The following HNF4G variants were observed in gnomAD, a reference collection of about 807,000 sequenced individuals.
HNF4G encodes the protein hepatocyte nuclear factor 4-gamma.
Under a neutral mutation model 50.9 loss-of-function variants are expected in HNF4G, and 21 were observed. The ratio of observed to expected loss-of-function variants is 0.41; its 90% CI spans 0.29 to 0.59. The LOEUF (loss-of-function observed/expected upper bound fraction) is 0.59. Ranked by LOEUF, HNF4G falls within the 20% of genes least tolerant of loss-of-function variation. The pLI, the probability that HNF4G is intolerant of heterozygous loss-of-function variation, is 0.26. For missense variants in HNF4G, 527 were observed against 559.4 expected, an observed-to-expected ratio of 0.94 and a Z score of 0.58; for synonymous variants, 198 against 185.6, an observed-to-expected ratio of 1.07 and a Z score of -0.54.
At chr8:75,548,418 A>G (rs73331843) in intron 3 of HNF4G, among the ~76,000 whole-genome samples, 1,703 of 152,312 alleles carry the variant, frequency 0.011, 41 homozygotes, top group African/African-American at 0.039. Flanking sequence ...GCAATTTTCC[A>G]AACACTGTTC....
chr8:75,475,012 A>G (rs1812210067), intron 1 of HNF4G, among the ~76,000 whole-genome samples: 1 of 147,956 alleles, frequency 6.8e-6, no homozygotes, highest in South Asian at 2.1e-4. Flanking sequence ...TTATTAATTA[A>G]TTAATTTATT....
At chr8:75,462,393 T>A (rs1412410972) in intron 1 of HNF4G, among the ~76,000 whole-genome samples, 1 of 152,140 alleles carries the variant, frequency 6.6e-6, no homozygotes, top group East Asian at 1.9e-4. Flanking sequence ...GGCTACTAAG[T>A]GACTAATGGC....
chr8:75,492,561 T>G (rs1812657514), intron 2 of HNF4G, among the ~76,000 whole-genome samples: 1 of 152,220 alleles, frequency 6.6e-6, no homozygotes, highest in South Asian at 2.1e-4. Context: ...CACAACTTCT[T>G]TGTAGATTAC....
chr8:75,560,397 C>T lies in HNF4G; in HGVS notation c.1177C>T (p.Gln393Ter). 1 of 1,613,180 alleles carries T rather than the reference C, an allele frequency of 6.2e-7. No individual in the cohort carries two copies. The highest frequency in any genetic ancestry group is 8.5e-7 in the Non-Finnish European group (1 of 1,179,280). ...LHHPMHPHLSQDPLTGQTILL... is the reference protein window; with the variant it reads ...LHHPMHPHLS Reference sequence around the variant, plus strand: ...TCATCCAATGCATCCACATTTGTCTCAAGACCCATTAACTGGACAAACTAT... The same window carrying T: ...TCATCCAATGCATCCACATTTGTCTTAAGACCCATTAACTGGACAAACTAT... The change falls in exon 9 of 10, where the codon CAA (glutamine) becomes TAA (stop). Residue 393 changes from glutamine to a stop codon, truncating the protein, a stop_gained. Coordinates refer to ENST00000396423, the MANE Select transcript of HNF4G (RefSeq NM_004133.5). LOFTEE classifies it high-confidence loss of function.
intron 1 of HNF4G, among the ~76,000 whole-genome samples, chr8:75,479,577 A>ATTTT (rs66931689): frequency 6.9e-6 from 1 of 144,498 alleles, no homozygotes; most frequent in African/African-American, 2.5e-5. Flanking sequence ...CTTCATTTGC[A>ATTTT]TTTTTTTTTT....
At chr8:75,501,432 T>C (rs538052574) in intron 2 of HNF4G, among the ~76,000 whole-genome samples, 50 of 152,240 alleles carry the variant, frequency 3.3e-4, no homozygotes, top group Admixed American at 2.4e-3. Context: ...CATAGTGAGA[T>C]CCTGTCTCAG....
At chr8:75,517,372 A>G (rs1419217594) in intron 2 of HNF4G, among the ~76,000 whole-genome samples, 2 of 152,156 alleles carry the variant, frequency 1.3e-5, no homozygotes, top group South Asian at 2.1e-4. Flanking sequence ...TCAAAAGTCC[A>G]CAGTCCAAAG....
At chr8:75,479,381 A>G (rs1286931532) in intron 1 of HNF4G, among the ~76,000 whole-genome samples, 1 of 152,214 alleles carries the variant, frequency 6.6e-6, no homozygotes, top group Non-Finnish European at 1.5e-5. Flanking sequence ...AATCAAGTGA[A>G]TCATCTTTAG....
At chr8:75,563,101 A>C (rs1419182225) in intron 9 of HNF4G, among the ~76,000 whole-genome samples, 1 of 152,168 alleles carries the variant, frequency 6.6e-6, no homozygotes, top group Non-Finnish European at 1.5e-5. Flanking sequence ...GACATAAGCT[A>C]TAAAGTTTAC....
chr8:75,530,916 C>T (rs1240924284), intron 2 of HNF4G, among the ~76,000 whole-genome samples: 1 of 151,704 alleles, frequency 6.6e-6, no homozygotes, highest in East Asian at 1.9e-4. Flanking sequence ...CCTCAGCCTC[C>T]CCAGTAGCTG....
rs531621291 is a variant in HNF4G at position 75,556,893 on chromosome 8, T to A, written c.733+824T>A. ...TACATTACATGTATATGTATATATA[T>A]TCTCTCATTTAATCCTTGAAATAGC... On this transcript the variant is annotated intron_variant, in intron 6 of 9. Transcript: ENST00000396423. Among the ~76,000 whole-genome samples, 8 of 152,346 alleles carry A rather than the reference T, an allele frequency of 5.3e-5. No individual in the cohort carries two copies. The East Asian group carries it at 1.5e-3, about 29-fold the overall frequency.
chr8:75,563,393 G>A (rs1380230116), intron 9 of HNF4G, among the ~76,000 whole-genome samples: 3 of 149,714 alleles, frequency 2.0e-5, no homozygotes, highest in East Asian at 2.0e-4. Flanking sequence ...AAGGGGATGC[G>A]ACAGGCAAGC....
intron 2 of HNF4G, among the ~76,000 whole-genome samples, chr8:75,493,552 A>C (rs1164890262): frequency 6.6e-6 from 1 of 152,196 alleles, no homozygotes; most frequent in Non-Finnish European, 1.5e-5. Flanking sequence ...AAAAGTTAAA[A>C]AAAATTGTTT....
chr8:75,553,248 C>T lies in HNF4G; in HGVS notation c.645+51C>T, dbSNP rs778706067. On this transcript the variant is annotated intron_variant, in intron 5 of 9. Coordinates refer to ENST00000396423, the MANE Select transcript of HNF4G (RefSeq NM_004133.5). ...CTTTAAAAATGCTTCTTGAACTTTG[C>T]TAAGTTTATGTTCTTTCCATATTAT... The T allele has an allele frequency of 8.9e-6, 13 of 1,463,068 alleles. 1 individual carries two copies. Among genetic ancestry groups the T allele is most frequent in the South Asian group, 2.4e-5 (2 of 84,176 alleles). The allele number at this position is 1,463,068 out of a possible 1,614,324, so 90.6% of individuals were successfully genotyped here.
chr8:75,447,090 A>C (rs1310144468), intron 1 of HNF4G, among the ~76,000 whole-genome samples: 1 of 128,240 alleles, frequency 7.8e-6, no homozygotes, highest in Non-Finnish European at 1.6e-5. Flanking sequence ...AGAGATATAG[A>C]TCAATGGAAC....
At position 75,553,109 on chromosome 8, in the gene HNF4G, T is replaced by C; in HGVS notation, c.557T>C (p.Val186Ala). 6.2e-7 allele frequency: 1 copy of C among 1,612,914 alleles called. No homozygotes were observed. Among genetic ancestry groups the C allele is most frequent in the Non-Finnish European group, 8.5e-7 (1 of 1,179,112 alleles). ...AAGAAAATTGCAAGTATTGGTGATG[T>C]CTGTGAATCTATGAAACAGCAGCTC... ...NVKKIASIGDVCESMKQQLLV... is the reference protein window; with the variant it reads ...NVKKIASIGDACESMKQQLLV... Residue 186 changes from valine to alanine, a missense_variant, in exon 5 of 10, where the codon GTC (valine) becomes GCC (alanine). By Grantham distance (64) the Val-to-Ala change is moderately conservative (BLOSUM62 0). Transcript: ENST00000396423.
intron 1 of HNF4G, among the ~76,000 whole-genome samples, chr8:75,476,235 G>T (rs1812236112): frequency 6.6e-6 from 1 of 152,108 alleles, no homozygotes. Context: ...TGGCATTCCA[G>T]TTCCATACAT....
chr8:75,531,439 A>G (rs1806323619), intron 2 of HNF4G, among the ~76,000 whole-genome samples: 1 of 152,174 alleles, frequency 6.6e-6, no homozygotes, highest in Non-Finnish European at 1.5e-5. Context: ...ATAGAGGTTA[A>G]AGGACTTTGG....
chr8:75,447,716 A>T (rs1174266531), intron 1 of HNF4G, among the ~76,000 whole-genome samples: 1 of 151,522 alleles, frequency 6.6e-6, no homozygotes, highest in African/African-American at 2.4e-5. Flanking sequence ...AGAAATGCAA[A>T]TCAAAACCAC....
Sources: allele counts gnomAD v4.1 joint callset (sites outside exome capture counted in the v4.1 genomes callset), GRCh38; gene constraint gnomAD v4.1.1; transcripts MANE v1.5; gene names NCBI Gene and HGNC (gene_info 2026-07-23, HGNC 2026-07-21).